Variants in NRN1 observed in about 807,000 individuals in gnomAD.
The protein encoded by NRN1 is neuritin 1.
A neutral mutation model predicts 15.0 loss-of-function variants in NRN1; 4 were observed. That is an observed-to-expected ratio of 0.27 (90% CI 0.13 to 0.61). The LOEUF (loss-of-function observed/expected upper bound fraction) is 0.61. Among genes scored for constraint, NRN1 ranks in the 20% least tolerant of loss-of-function variants. NRN1 has a pLI of 0.87. For synonymous variants in NRN1, 85 were observed against 79.8 expected (o/e 1.07, Z -0.35); for missense variants, 134 against 181.9 (o/e 0.74, Z 1.51).
chr6:6,003,730 T>C, intron 1 of NRN1: 1 of 1,234,244 alleles, frequency 8.1e-7, no homozygotes, highest in Non-Finnish European at 1.0e-6. Context: ...GCTGTGGCCA[T>C]CTCTTTCCGC....
intron 1 of NRN1, among the ~76,000 whole-genome samples, chr6:6,005,041 C>A (rs1282661171): frequency 6.6e-6 from 1 of 151,838 alleles, no homozygotes; most frequent in African/African-American, 2.4e-5. Context: ...CAAATACGTT[C>A]AATTTCAATT....
chr6:6,003,949 G>A, intron 1 of NRN1: 2 of 1,226,096 alleles, frequency 1.6e-6, no homozygotes, highest in Non-Finnish European at 2.0e-6. Flanking sequence ...AATGTGTCCC[G>A]GGAGGACCGG....
At chr6:6,002,602 C>T in intron 1 of NRN1, 105 bp from the exon 2 acceptor site, 3 of 1,458,724 alleles carry the variant, frequency 2.1e-6, no homozygotes, top group Non-Finnish European at 2.8e-6. Flanking sequence ...TCGCATCGGG[C>T]GGCCTCTCCC....
chr6:6,004,294 T>G (rs912418170), intron 1 of NRN1, among the ~76,000 whole-genome samples: 1 of 152,242 alleles, frequency 6.6e-6, no homozygotes, highest in Admixed American at 6.5e-5. Flanking sequence ...ATCTTTGTTC[T>G]GATAGAGCTC....
In NRN1 at chr6:5,998,087, T is replaced by C. The variant is rs1188053186; in HGVS notation, c.*889A>G. On this transcript the variant is annotated 3_prime_UTR_variant, in exon 3 of 3. Transcript: ENST00000244766. ...TTTAATTTATAATAAACTTTTTAAA[T>C]TACATCTCTCTCTCTTTTTTTTTTA... 1 of 144,254 alleles carries C rather than the reference T, an allele frequency of 6.9e-6. No individual in the cohort carries two copies. The highest frequency in any genetic ancestry group is 6.9e-5 in the Admixed American group (1 of 14,510). The allele number at this position is 144,254 out of a possible 1,614,324, so 8.9% of individuals were successfully genotyped here.
intron 2 of NRN1, among the ~76,000 whole-genome samples, chr6:6,002,069 C>A (rs915294715): frequency 2.0e-5 from 3 of 152,188 alleles, no homozygotes; most frequent in African/African-American, 7.2e-5. Flanking sequence ...GTCGAGCATG[C>A]GCACCTCTGT....
At chr6:6,006,965 G>C (rs1256739570), upstream of NRN1, 10 of 425,106 alleles carry the variant, frequency 2.4e-5, 2 homozygotes, top group Non-Finnish European at 3.4e-5. Context: ...GAGGCTGAGG[G>C]GGGGGGGAGA....
intron 1 of NRN1, 112 bp downstream of exon 1, chr6:6,006,583 G>C (rs6922007): frequency 0.011 from 10,674 of 962,666 alleles, 97 homozygotes; most frequent in Non-Finnish European, 0.013. Context: ...GGGGATTGCC[G>C]GCTTCTCCGC....
At chr6:6,003,097 A>G (rs1758004186) in intron 1 of NRN1, 5 of 848,674 alleles carry the variant, frequency 5.9e-6, no homozygotes, top group Non-Finnish European at 7.9e-6. Flanking sequence ...TGAATGAATG[A>G]ACGAATATAG....
chr6:5,999,326 C>T (rs1456475366), intron 2 of NRN1, 122 bp from the exon 3 acceptor site: 11 of 765,760 alleles, frequency 1.4e-5, no homozygotes, highest in Non-Finnish European at 2.4e-5. Flanking sequence ...TGTCCCCTCC[C>T]TACCTTCTCT....
chr6:6,002,138 A>G (rs1229709775), intron 2 of NRN1, among the ~76,000 whole-genome samples: 1 of 152,200 alleles, frequency 6.6e-6, no homozygotes, highest in African/African-American at 2.4e-5. Context: ...ATCCTCCTCC[A>G]TATCCCACCC....
intron 1 of NRN1, chr6:6,004,113 A>C: frequency 1.1e-6 from 1 of 939,270 alleles, no homozygotes; most frequent in Non-Finnish European, 1.3e-6. Flanking sequence ...GCGCTTTTTA[A>C]TCCGGAACGG....
Position 5,998,947 on chromosome 6 carries a change from TG to T in NRN1, c.*28del. 1 of 1,541,492 alleles carries T rather than the reference TG, an allele frequency of 6.5e-7. No homozygotes were observed. The highest frequency in any genetic ancestry group is 8.9e-7 in the Non-Finnish European group (1 of 1,124,320). On this transcript the variant is annotated 3_prime_UTR_variant, in exon 3 of 3. Coordinates refer to ENST00000244766, the MANE Select transcript of NRN1 (RefSeq NM_016588.3). The stretch of plus-strand genomic sequence containing the variant: ...TCCGGGAGCATGGAGTGAGTGTGGG[TG>T]GGCGCGCGGGGGGAGCTGGCCCCAC...
chr6:6,006,595 C>T, intron 1 of NRN1, 100 bp downstream of exon 1: 1 of 1,138,984 alleles, frequency 8.8e-7, no homozygotes, highest in Admixed American at 1.7e-5. Flanking sequence ...CTTCTCCGCA[C>T]CCTGGGGCGG....
intron 2 of NRN1, 82 bp downstream of exon 2, chr6:6,002,271 G>T: frequency 6.5e-7 from 1 of 1,527,276 alleles, no homozygotes. Flanking sequence ...TGAACGCTGA[G>T]CGCAGGCGGG....
chr6:6,002,214 T>C, intron 2 of NRN1, 139 bp downstream of exon 2: 1 of 1,109,358 alleles, frequency 9.0e-7, no homozygotes, highest in Non-Finnish European at 1.3e-6. Context: ...GGCCTGGGGG[T>C]TGGAGCCAGA....
chr6:5,999,056 C>T lies in NRN1; in HGVS notation c.349G>A (p.Ala117Thr), dbSNP rs1214392638. The T allele has an allele frequency of 1.9e-6, 3 of 1,614,058 alleles. No homozygotes were observed. The highest frequency in any genetic ancestry group is 1.1e-5 in the South Asian group (1 of 91,082). Reference protein sequence around the residue: ...LFELCGSGNGAAGSLLPAFPV... With the variant: ...LFELCGSGNGTAGSLLPAFPV... ...AACGCCGGGAGCAGGGACCCCGCCG[C>T]CCCGTTGCCGCTGCCGCAGAGTTCG... The change falls in exon 3 of 3, where the codon GCG (alanine) becomes ACG (threonine). Residue 117 changes from alanine to threonine, a missense_variant. Physicochemically the swap from Ala to Thr is moderately conservative, Grantham distance 58. Transcript: ENST00000244766.
intron 1 of NRN1, chr6:6,003,752 C>T (rs3805789): frequency 0.28 from 340,218 of 1,234,006 alleles, 48,197 homozygotes; most frequent in East Asian, 0.45. Context: ...CTGAGGCCGA[C>T]GAACCCGGCT....
At chr6:6,004,998 G>T (rs144744166) in intron 1 of NRN1, among the ~76,000 whole-genome samples, 3 of 151,920 alleles carry the variant, frequency 2.0e-5, no homozygotes, top group African/African-American at 7.3e-5. Flanking sequence ...AAAGACCGAG[G>T]TTCTGTTGCA....
Sources: gnomAD v4.1 joint callset for allele counts (sites outside exome capture counted in the v4.1 genomes callset) on GRCh38, gnomAD v4.1.1 for gene constraint, MANE v1.5 for transcripts, NCBI Gene and HGNC (gene_info 2026-07-23, HGNC 2026-07-21) for gene names.